NFKBIZ: variants seen among roughly 807,000 people sequenced by gnomAD.
The protein encoded by NFKBIZ is NF-kappa-B inhibitor zeta.
A neutral mutation model predicts 76.8 loss-of-function variants in NFKBIZ; 19 were observed. The ratio of observed to expected loss-of-function variants is 0.25; its 90% CI spans 0.17 to 0.36. The LOEUF (loss-of-function observed/expected upper bound fraction) is 0.36. Ranked by LOEUF, NFKBIZ falls within the 10% of genes least tolerant of loss-of-function variation. The probability of loss-of-function intolerance (pLI) is 1.00; values close to 1 mark genes in which losing one functional copy is unlikely to be tolerated. For synonymous variants in NFKBIZ, 368 were observed against 354.8 expected (o/e 1.04, Z -0.42); for missense variants, 829 against 910.9 (o/e 0.91, Z 1.16).
chr3:101,845,746 G>T (rs1942841722), upstream of NFKBIZ, among the ~76,000 whole-genome samples: 1 of 152,242 alleles, frequency 6.6e-6, no homozygotes, highest in Admixed American at 6.5e-5. Context: ...CCTGGGGAAA[G>T]ATAGCGTTCT....
At position 101,849,520 on chromosome 3, in the gene NFKBIZ, G is replaced by A; in HGVS notation, c.-109G>A. 1 of 1,001,390 alleles carries A rather than the reference G, an allele frequency of 1.0e-6. No homozygotes were observed. Among genetic ancestry groups the A allele is most frequent in the Non-Finnish European group, 1.3e-6 (1 of 765,976 alleles). The allele number at this position is 1,001,390 out of a possible 1,614,324, so 62.0% of individuals were successfully genotyped here. On this transcript the variant is annotated 5_prime_UTR_variant, in exon 1 of 12. Coordinates refer to ENST00000326172, the MANE Select transcript of NFKBIZ (RefSeq NM_031419.4). ...GCAGTCCCGCGCCGCGCCCGTACTG[G>A]CCCGCGCCGTCCGCCCGCCGACAGC...
chr3:101,857,513 G>C, intron 11 of NFKBIZ, 54 bp downstream of exon 11: 2 of 1,607,392 alleles, frequency 1.2e-6, no homozygotes, highest in Non-Finnish European at 1.7e-6. Context: ...GTCTGAAACA[G>C]AAAGGGAGAT....
At chr3:101,829,283 G>C (rs1412989233) in intron 1 of NFKBIZ, among the ~76,000 whole-genome samples, 1 of 152,204 alleles carries the variant, frequency 6.6e-6, no homozygotes, top group African/African-American at 2.4e-5. Flanking sequence ...TCAGTGCACA[G>C]TGCAGATGAC....
intron 8 of NFKBIZ, 57 bp downstream of exon 8, chr3:101,855,515 A>G: frequency 6.7e-7 from 1 of 1,488,684 alleles, no homozygotes. Flanking sequence ...CATAAGGTCT[A>G]AGGGTGCTAA....
chr3:101,843,020 TAAAAAAAAAAAAA>T (rs35824432), intron 2 of NFKBIZ, among the ~76,000 whole-genome samples: 3 of 66,464 alleles, frequency 4.5e-5, no homozygotes, highest in South Asian at 6.1e-4. Context: ...CTGTATTTTC[TAAAAAAAAAAAAA>T]AAAAAAAAAA....
chr3:101,830,317 A>G (rs755026122), intron 2 of NFKBIZ, among the ~76,000 whole-genome samples: 1 of 152,020 alleles, frequency 6.6e-6, no homozygotes, highest in Non-Finnish European at 1.5e-5. Context: ...GCTTTATTTT[A>G]TTTATTTATT....
At chr3:101,840,220 G>A (rs1942771013) in intron 2 of NFKBIZ, among the ~76,000 whole-genome samples, 1 of 152,162 alleles carries the variant, frequency 6.6e-6, no homozygotes. Context: ...AAGAAGCCAT[G>A]GAACTTGTAA....
At position 101,849,913 on chromosome 3, in the gene NFKBIZ, G is replaced by A; in HGVS notation, c.285G>A (p.Gln95=). The part of the protein sequence containing the change: ...RSRGGARAER[Q]PVEPHMGVGR... The stretch of plus-strand genomic sequence containing the variant: ...GAGGCGGCGCCCGCGCCGAGCGCCA[G>A]CCAGGTACCCGCCGGCCCCGCACCG... Residue 95 remains glutamine, a synonymous_variant, in exon 1 of 12, where the codon CAG becomes CAA. Transcript: ENST00000326172. 7.0e-7 allele frequency: 1 copy of A among 1,421,462 alleles called. No homozygotes were observed. Among genetic ancestry groups the A allele is most frequent in the South Asian group, 1.5e-5 (1 of 68,472 alleles). 88.1% of individuals were successfully genotyped at this position (1,421,462 alleles called of 1,614,324 possible). A position where few individuals can be genotyped will look rare whatever the true frequency, so the allele number is the denominator to read the frequency against.
intron 8 of NFKBIZ, 91 bp downstream of exon 8, chr3:101,855,549 A>T: frequency 1.5e-6 from 2 of 1,349,000 alleles, no homozygotes; most frequent in African/African-American, 1.5e-5. Flanking sequence ...GAAGGTAATT[A>T]AAGCTAAAAT....
intron 2 of NFKBIZ, among the ~76,000 whole-genome samples, chr3:101,830,883 T>C (rs977422393): frequency 6.6e-6 from 1 of 152,224 alleles, no homozygotes; most frequent in African/African-American, 2.4e-5. Flanking sequence ...CAATGCTACA[T>C]TCTCTATACA....
intron 5 of NFKBIZ, among the ~76,000 whole-genome samples, chr3:101,854,133 C>T (rs1020177524): frequency 6.6e-6 from 1 of 152,108 alleles, no homozygotes; most frequent in Non-Finnish European, 1.5e-5. Flanking sequence ...GGAAGACCAG[C>T]GTAGACTATG....
chr3:101,857,307 A>G lies in NFKBIZ; in HGVS notation c.1951A>G (p.Thr651Ala). ...FVNAKAYNGN[T>A]ALHVAASLQY... ...TTGTCTTCAGGCTTACAATGGCAAC[A>G]CTGCCCTCCATGTTGCTGCCAGCTT... The change falls in exon 11 of 12, where the codon ACT becomes GCT. Residue 651 changes from threonine to alanine, a missense_variant. Physicochemically the swap from Thr to Ala is moderately conservative, Grantham distance 58. Transcript: ENST00000326172. 6.2e-7 allele frequency: 1 copy of G among 1,614,176 alleles called. No individual in the cohort carries two copies. The highest frequency in any genetic ancestry group is 8.5e-7 in the Non-Finnish European group (1 of 1,180,032).
At chr3:101,856,076 A>T in intron 9 of NFKBIZ, 174 bp downstream of exon 9, 1 of 470,452 alleles carries the variant, frequency 2.1e-6, no homozygotes. Flanking sequence ...TTTGAGACAG[A>T]GTCTCACTGT....
Position 101,854,960 on chromosome 3 carries a change from TTC to T in NFKBIZ, c.1444-96_1444-95del, listed in dbSNP as rs1262152401. 3.1e-6 allele frequency: 4 copies of T among 1,276,154 alleles called. No homozygotes were observed. The East Asian group carries it at 9.7e-5, about 31-fold the overall frequency. 79.1% of individuals were successfully genotyped at this position (1,276,154 alleles called of 1,614,324 possible). A position where few individuals can be genotyped will look rare whatever the true frequency, so the allele number is the denominator to read the frequency against. On this transcript the variant is annotated intron_variant, in intron 6 of 11. Coordinates refer to ENST00000326172, the MANE Select transcript of NFKBIZ (RefSeq NM_031419.4). ...TGATTGCTTATTCAAAGGATTTATT[TTC>T]TCTCTGTGGGTTTTTCCCTCAGTCA...
chr3:101,846,185 T>A (rs531446438), upstream of NFKBIZ, among the ~76,000 whole-genome samples: 1 of 152,320 alleles, frequency 6.6e-6, no homozygotes, highest in Admixed American at 6.5e-5. Flanking sequence ...AGTAGCTCAC[T>A]CACATGGCGG....
intron 5 of NFKBIZ, 32 bp downstream of exon 5, chr3:101,853,895 AG>A (rs751717552): frequency 6.3e-7 from 1 of 1,589,262 alleles, no homozygotes; most frequent in Admixed American, 1.7e-5. Context: ...GTTCTTAATT[AG>A]GTAAGCCACA....
chr3:101,850,238 T>G, intron 1 of NFKBIZ: 1 of 281,396 alleles, frequency 3.6e-6, no homozygotes, highest in Non-Finnish European at 6.6e-6. Context: ...TCATAATTAA[T>G]AAACTATGAT....
intron 7 of NFKBIZ, 42 bp from the exon 8 acceptor site, chr3:101,855,353 C>T: frequency 6.2e-7 from 1 of 1,609,468 alleles, no homozygotes; most frequent in Non-Finnish European, 8.5e-7. Context: ...GGTATATGCG[C>T]AGCTTATGTA....
chr3:101,831,668 C>A (rs145001398), intron 2 of NFKBIZ, among the ~76,000 whole-genome samples: 25 of 151,398 alleles, frequency 1.7e-4, no homozygotes, highest in African/African-American at 5.1e-4. Flanking sequence ...GATACAGAAT[C>A]TCCCTCTGTC....
Sources: allele counts gnomAD v4.1 joint callset (sites outside exome capture counted in the v4.1 genomes callset), GRCh38; gene constraint gnomAD v4.1.1; transcripts MANE v1.5; gene names NCBI Gene and HGNC (gene_info 2026-07-23, HGNC 2026-07-21).